Variants in SASH1 observed in about 807,000 individuals in gnomAD.
SASH1 encodes the protein SAM and SH3 domain containing 1, also known as SAM and SH3 domain-containing protein 1.
SASH1 carries 44 observed loss-of-function variants against 125.2 expected under a neutral mutation model. The observed-to-expected ratio is 0.35, with a 90% CI of 0.28 to 0.45. The LOEUF (loss-of-function observed/expected upper bound fraction) is 0.45, where lower values mean the gene tolerates loss of function less well. Ranked by LOEUF, SASH1 falls within the 20% of genes least tolerant of loss-of-function variation. SASH1 has a pLI of 1.00. For missense variants in SASH1, 1,426 were observed against 1,614.5 expected (o/e 0.88, Z 2.00); for synonymous variants, 639 against 649.1 (o/e 0.98, Z 0.24).
At chr6:148,248,253 T>C in the SASH1 span, among the ~76,000 whole-genome samples, 2 of 152,134 alleles carry the variant, frequency 1.3e-5, no homozygotes, top group East Asian at 1.9e-4. Context: ...TGGTAATTGG[T>C]GATAGTGCAG....
At chr6:148,546,476 C>G (rs2115466165) in intron 19 of SASH1, among the ~76,000 whole-genome samples, 1 of 152,208 alleles carries the variant, frequency 6.6e-6, no homozygotes, top group South Asian at 2.1e-4. Flanking sequence ...TGATGCCGGC[C>G]TGGGCAACAT....
At chr6:148,391,555 T>C (rs1783731810) in intron 2 of SASH1, among the ~76,000 whole-genome samples, 1 of 152,170 alleles carries the variant, frequency 6.6e-6, no homozygotes, top group Non-Finnish European at 1.5e-5. Context: ...ATCACCATCT[T>C]TCATGGTTAT....
rs184565256 is a variant in SASH1, at chr6:148,382,554, T to C, written c.157-7580T>C. On this transcript the variant is annotated intron_variant, in intron 1 of 19. Transcript: ENST00000367467. ...ATCCACCTGCCTTGGCCTTCCAAAG[T>C]GCTGGGATTACAGGCATGAGCCACC... Among the ~76,000 whole-genome samples the C allele has an allele frequency of 5.3e-3, 808 of 152,256 alleles. 6 individuals carry two copies. The highest frequency in any genetic ancestry group is 9.0e-3 in the Non-Finnish European group (610 of 68,028).
intron 2 of SASH1, among the ~76,000 whole-genome samples, chr6:148,429,223 CAAATT>C (rs1775953443): frequency 6.6e-6 from 1 of 151,346 alleles, no homozygotes; most frequent in Non-Finnish European, 1.5e-5. Context: ...ATTGCAAACA[CAAATT>C]AAAGGAAGGA....
chr6:148,502,372 A>ACAGTGTGTTT (rs1158345212), intron 8 of SASH1, among the ~76,000 whole-genome samples: 1 of 152,178 alleles, frequency 6.6e-6, no homozygotes, highest in African/African-American at 2.4e-5. Flanking sequence ...AAACTTACCC[A>ACAGTGTGTTT]CAGTGTGTTT....
the SASH1 span, among the ~76,000 whole-genome samples, chr6:148,248,256 T>C: frequency 6.6e-6 from 1 of 152,158 alleles, no homozygotes; most frequent in Non-Finnish European, 1.5e-5. Context: ...TAATTGGTGA[T>C]AGTGCAGCCT....
At chr6:148,446,599 C>T (rs1776805356) in intron 4 of SASH1, among the ~76,000 whole-genome samples, 1 of 152,038 alleles carries the variant, frequency 6.6e-6, no homozygotes. Context: ...GTAGGGAGGG[C>T]CACCTGGCTA....
chr6:148,539,140 T>C (rs1277831435), intron 16 of SASH1, among the ~76,000 whole-genome samples: 1 of 151,826 alleles, frequency 6.6e-6, no homozygotes, highest in African/African-American at 2.4e-5. Context: ...AGTTGACAAA[T>C]AATGATGCTT....
chr6:148,421,169 G>GAAAGAAAGAAAGAAAA (rs1562396501), intron 2 of SASH1, among the ~76,000 whole-genome samples: 16 of 124,934 alleles, frequency 1.3e-4, no homozygotes, highest in African/African-American at 4.5e-4. Context: ...AAGAAAGAAA[G>GAAAGAAAGAAAGAAAA]AAAGAAAGAA....
At chr6:148,321,605 T>C (rs1010448668) in intron 1 of SASH1, among the ~76,000 whole-genome samples, 1 of 152,156 alleles carries the variant, frequency 6.6e-6, no homozygotes, top group African/African-American at 2.4e-5. Context: ...TGTGATTACA[T>C]TCATACCAGC....
the SASH1 span, among the ~76,000 whole-genome samples, chr6:148,214,888 A>C: frequency 1.3e-5 from 2 of 151,998 alleles, no homozygotes; most frequent in Non-Finnish European, 2.9e-5. Context: ...AACAGGAGAC[A>C]AAGAAAATGA....
intron 1 of SASH1, among the ~76,000 whole-genome samples, chr6:148,348,257 G>A (rs1781582844): frequency 6.6e-6 from 1 of 152,108 alleles, no homozygotes; most frequent in Non-Finnish European, 1.5e-5. Flanking sequence ...GTCTCCCAAA[G>A]TGCTGGGATT....
intron 8 of SASH1, among the ~76,000 whole-genome samples, chr6:148,491,198 A>T (rs886651647): frequency 1.3e-5 from 2 of 152,260 alleles, no homozygotes; most frequent in South Asian, 4.1e-4. Flanking sequence ...GAAAGACTGT[A>T]TTCTTTGTCT....
At chr6:148,254,479 C>T in the SASH1 span, among the ~76,000 whole-genome samples, 1 of 152,058 alleles carries the variant, frequency 6.6e-6, no homozygotes, top group Non-Finnish European at 1.5e-5. Flanking sequence ...GGCAATATAG[C>T]AAGACTCTAT....
intron 4 of SASH1, among the ~76,000 whole-genome samples, chr6:148,458,184 C>T (rs1282119307): frequency 6.6e-6 from 1 of 152,216 alleles, no homozygotes; most frequent in Non-Finnish European, 1.5e-5. Context: ...ATGGAACTTT[C>T]TTCCTTATGA....
At chr6:148,232,422 G>T in the SASH1 span, among the ~76,000 whole-genome samples, 569 of 152,300 alleles carry the variant, frequency 3.7e-3, 6 homozygotes, top group African/African-American at 0.013. Context: ...CTTCTTCTAG[G>T]TGAGTCAAGG....
At chr6:148,522,233 T>G (rs916530621) in intron 10 of SASH1, among the ~76,000 whole-genome samples, 6 of 152,226 alleles carry the variant, frequency 3.9e-5, no homozygotes, top group Admixed American at 6.5e-5. Flanking sequence ...AGTAGGAAGT[T>G]ATATATTTGC....
intron 2 of SASH1, among the ~76,000 whole-genome samples, chr6:148,411,756 C>T (rs1055323322): frequency 3.9e-5 from 6 of 152,200 alleles, no homozygotes; most frequent in African/African-American, 1.4e-4. Flanking sequence ...GTTGTCTGGG[C>T]TGGTCTTGAA....
intron 1 of SASH1, among the ~76,000 whole-genome samples, chr6:148,345,637 C>T (rs1274838019): frequency 2.0e-5 from 3 of 152,214 alleles, no homozygotes; most frequent in Admixed American, 6.5e-5. Context: ...CAAACTGAGT[C>T]TTCGGGGAAA....
Sources: gnomAD v4.1 joint callset for allele counts (sites outside exome capture counted in the v4.1 genomes callset) on GRCh38, gnomAD v4.1.1 for gene constraint, MANE v1.5 for transcripts, NCBI Gene and HGNC (gene_info 2026-07-23, HGNC 2026-07-21) for gene names.